The following MGLL variants were observed in gnomAD, a reference collection of about 807,000 sequenced individuals.
The protein encoded by MGLL is lysophospholipase homolog.
MGLL carries 7 observed loss-of-function variants against 29.1 expected under a neutral mutation model. That is an observed-to-expected ratio of 0.24 (90% confidence interval 0.14 to 0.45). The LOEUF is 0.45. Among genes scored for constraint, MGLL ranks in the 20% least tolerant of loss-of-function variants. The pLI is 0.99. For synonymous variants in MGLL, 148 were observed against 168.3 expected (o/e 0.88, Z 0.93); for missense variants, 356 against 413.6 (o/e 0.86, Z 1.21).
intron 3 of MGLL, among the ~76,000 whole-genome samples, chr3:127,758,147 G>A (rs6439083): frequency 0.052 from 7,866 of 152,076 alleles, 464 homozygotes; most frequent in East Asian, 0.27. Flanking sequence ...CTTTTCCCCT[G>A]GTCATCTGTG....
At chr3:127,726,124 GAAAGA>G (rs2076027303) in intron 3 of MGLL, among the ~76,000 whole-genome samples, 1 of 18,360 alleles carries the variant, frequency 5.4e-5, no homozygotes, top group Non-Finnish European at 1.2e-4. Flanking sequence ...AAGCAGGAAA[GAAAGA>G]AAGAAAGAAA....
At chr3:127,800,259 C>A (rs961423985) in intron 2 of MGLL, among the ~76,000 whole-genome samples, 1 of 152,214 alleles carries the variant, frequency 6.6e-6, no homozygotes, top group Non-Finnish European at 1.5e-5. Flanking sequence ...CTGCTCACCT[C>A]TGGACTGCTA....
intron 6 of MGLL, among the ~76,000 whole-genome samples, chr3:127,698,723 TCA>T (rs1301836800): frequency 1.3e-5 from 2 of 152,190 alleles, no homozygotes; most frequent in African/African-American, 4.8e-5. Flanking sequence ...TTGCAAAATG[TCA>T]CTGCTGGGGG....
At chr3:127,815,396 G>A (rs1447006690) in intron 2 of MGLL, among the ~76,000 whole-genome samples, 4 of 152,206 alleles carry the variant, frequency 2.6e-5, no homozygotes, top group African/African-American at 9.6e-5. Flanking sequence ...TCACTCCAGA[G>A]ACACCTGGGA....
At chr3:127,770,628 C>G (rs980288115) in intron 3 of MGLL, among the ~76,000 whole-genome samples, 1 of 152,164 alleles carries the variant, frequency 6.6e-6, no homozygotes, top group Admixed American at 6.5e-5. Flanking sequence ...CCAGGTGCAG[C>G]TGCATAGAGG....
At chr3:127,785,194 C>G (rs1404347159) in intron 2 of MGLL, among the ~76,000 whole-genome samples, 1 of 152,176 alleles carries the variant, frequency 6.6e-6, no homozygotes, top group African/African-American at 2.4e-5. Flanking sequence ...ACCTTCCCCC[C>G]TCCTTCCCCA....
intron 3 of MGLL, among the ~76,000 whole-genome samples, chr3:127,766,080 C>T (rs995894560): frequency 2.6e-5 from 4 of 152,194 alleles, no homozygotes; most frequent in Non-Finnish European, 1.5e-5. Flanking sequence ...GGTTTAGTAG[C>T]TTGTCCAACG....
chr3:127,695,750 A>G (rs2075347799), intron 6 of MGLL, among the ~76,000 whole-genome samples: 1 of 152,234 alleles, frequency 6.6e-6, no homozygotes, highest in African/African-American at 2.4e-5. Context: ...TCTCAAAAAA[A>G]AATTAAAAAA....
intron 2 of MGLL, among the ~76,000 whole-genome samples, chr3:127,792,537 T>C (rs1490665817): frequency 1.3e-5 from 2 of 152,170 alleles, no homozygotes; most frequent in African/African-American, 2.4e-5. Context: ...CCCCGTTCTC[T>C]ACTAAAAATA....
At chr3:127,822,160 T>C in intron 1 of MGLL, 149 bp downstream of exon 1, 9 of 842,020 alleles carry the variant, frequency 1.1e-5, no homozygotes, top group South Asian at 8.0e-5. Flanking sequence ...GTGGAAATTA[T>C]AGTCAGCTCT....
At chr3:127,770,145 C>A (rs1291456168) in intron 3 of MGLL, among the ~76,000 whole-genome samples, 1 of 152,186 alleles carries the variant, frequency 6.6e-6, no homozygotes, top group Non-Finnish European at 1.5e-5. Flanking sequence ...ACCTCAGCCT[C>A]CCAAGTAGCG....
intron 6 of MGLL, among the ~76,000 whole-genome samples, chr3:127,702,771 T>G (rs1236800507): frequency 6.6e-6 from 1 of 152,214 alleles, no homozygotes; most frequent in East Asian, 1.9e-4. Flanking sequence ...CTTGGCTCAC[T>G]GCAACCTCTG....
At chr3:127,759,801 C>A (rs1251264412) in intron 3 of MGLL, among the ~76,000 whole-genome samples, 1 of 152,208 alleles carries the variant, frequency 6.6e-6, no homozygotes, top group Admixed American at 6.5e-5. Context: ...GTCCCTTTGG[C>A]CTTCAGATGA....
intron 2 of MGLL, among the ~76,000 whole-genome samples, chr3:127,793,338 A>C (rs1362384806): frequency 6.6e-6 from 1 of 152,222 alleles, no homozygotes; most frequent in Admixed American, 6.5e-5. Flanking sequence ...CATAAATCCT[A>C]ATAAGGGAAA....
At chr3:127,766,318 C>T (rs766121521) in intron 3 of MGLL, among the ~76,000 whole-genome samples, 8 of 152,282 alleles carry the variant, frequency 5.3e-5, no homozygotes, top group African/African-American at 1.2e-4. Context: ...ACCCAGCACA[C>T]GGCAGGTTCT....
At chr3:127,810,340 C>T (rs2077640378) in intron 2 of MGLL, among the ~76,000 whole-genome samples, 1 of 152,246 alleles carries the variant, frequency 6.6e-6, no homozygotes, top group South Asian at 2.1e-4. Flanking sequence ...CATTCCAATG[C>T]AGGCTCCTGA....
rs115044392 is a variant in MGLL at position 127,716,473 on chromosome 3, G to A, written c.510+4580C>T. On this transcript the variant is annotated intron_variant, in intron 5 of 7. Transcript: ENST00000265052. ...AAAGTAGAGACTTCAGGAAAAGCAC[G>A]TGACGTGCAGCTTTGCAACAAATGA... Among the ~76,000 whole-genome samples, 560 of 152,362 alleles carry A rather than the reference G, an allele frequency of 3.7e-3. 5 individuals are homozygous for A. The highest frequency in any genetic ancestry group is 0.012 in the African/African-American group (513 of 41,586).
intron 3 of MGLL, among the ~76,000 whole-genome samples, chr3:127,733,730 T>C (rs75884935): frequency 2.6e-5 from 4 of 152,352 alleles, no homozygotes; most frequent in East Asian, 3.9e-4. Context: ...AAGATCATTA[T>C]AGAAAAGTCT....
chr3:127,707,314 G>A (rs1456306389), intron 6 of MGLL, among the ~76,000 whole-genome samples: 3 of 152,240 alleles, frequency 2.0e-5, no homozygotes, highest in African/African-American at 4.8e-5. Context: ...GTGGATGGCT[G>A]AGGGCATGGG....
Sources: gnomAD v4.1 joint callset for allele counts (sites outside exome capture counted in the v4.1 genomes callset) on GRCh38, gnomAD v4.1.1 for gene constraint, MANE v1.5 for transcripts, NCBI Gene and HGNC (gene_info 2026-07-23, HGNC 2026-07-21) for gene names.